Variants in KCNC2 observed in about 807,000 individuals in gnomAD.
KCNC2 encodes potassium voltage-gated channel subfamily C member 2, also known as voltage-gated potassium channel KCNC2.
Under a neutral mutation model 44.5 loss-of-function variants are expected in KCNC2, and 21 were observed. The observed-to-expected ratio is 0.47, with a 90% CI of 0.33 to 0.68. KCNC2 has a LOEUF of 0.68. KCNC2 is among the 30% of genes least tolerant of loss of function. The pLI, the probability that KCNC2 is intolerant of heterozygous loss-of-function variation, is 0.01. For missense variants in KCNC2, 589 were observed against 826.2 expected, an observed-to-expected ratio of 0.71 and a Z score of 3.52; for synonymous variants, 391 against 339.1, an observed-to-expected ratio of 1.15 and a Z score of -1.68.
At chr12:75,055,365 C>T (rs1400448878) in intron 2 of KCNC2, among the ~76,000 whole-genome samples, 1 of 151,966 alleles carries the variant, frequency 6.6e-6, no homozygotes, top group Non-Finnish European at 1.5e-5. Context: ...ATTGAACTGG[C>T]TTATGGGTCC....
intron 2 of KCNC2, among the ~76,000 whole-genome samples, chr12:75,129,793 G>A (rs1339305424): frequency 1.3e-5 from 2 of 152,154 alleles, no homozygotes; most frequent in East Asian, 3.8e-4. Flanking sequence ...TTCATGAAAT[G>A]ATGCAATGCC....
At chr12:75,115,034 T>C (rs1887556471) in intron 2 of KCNC2, among the ~76,000 whole-genome samples, 2 of 151,966 alleles carry the variant, frequency 1.3e-5, no homozygotes, top group Non-Finnish European at 2.9e-5. Context: ...CGGCTAATTT[T>C]TTGTATTTTT....
chr12:75,090,397 C>T (rs1206702466), intron 2 of KCNC2, among the ~76,000 whole-genome samples: 3 of 151,626 alleles, frequency 2.0e-5, no homozygotes, highest in African/African-American at 7.3e-5. Context: ...TCCACCCTCA[C>T]TGCCACTATC....
At chr12:75,155,372 G>A (rs1172338988) in intron 2 of KCNC2, among the ~76,000 whole-genome samples, 1 of 151,640 alleles carries the variant, frequency 6.6e-6, no homozygotes, top group Non-Finnish European at 1.5e-5. Flanking sequence ...ACTAAGAATA[G>A]GAATTTTTTC....
chr12:75,191,436 A>G (rs1016504536), intron 2 of KCNC2, among the ~76,000 whole-genome samples: 8 of 149,840 alleles, frequency 5.3e-5, no homozygotes, highest in Non-Finnish European at 1.0e-4. Flanking sequence ...TTTTAAAAAT[A>G]AATAATTTAA....
chr12:75,119,728 G>A (rs1014490228), intron 2 of KCNC2, among the ~76,000 whole-genome samples: 4 of 152,128 alleles, frequency 2.6e-5, no homozygotes, highest in African/African-American at 9.7e-5. Flanking sequence ...AAAGCTTTCC[G>A]TATCTGAAAG....
intron 2 of KCNC2, among the ~76,000 whole-genome samples, chr12:75,111,444 T>C (rs11180366): frequency 0.26 from 40,039 of 151,972 alleles, 5,817 homozygotes; most frequent in Middle Eastern, 0.4. Flanking sequence ...TTATGAACAA[T>C]TGTGTACACA....
intron 2 of KCNC2, among the ~76,000 whole-genome samples, chr12:75,181,404 T>C (rs933353717): frequency 1.3e-5 from 2 of 152,178 alleles, no homozygotes; most frequent in African/African-American, 4.8e-5. Flanking sequence ...ACAGTATCAG[T>C]TCTAAGCAAT....
chr12:75,175,201 TGA>T (rs1892102304), intron 2 of KCNC2, among the ~76,000 whole-genome samples: 1 of 151,966 alleles, frequency 6.6e-6, no homozygotes, highest in Non-Finnish European at 1.5e-5. Flanking sequence ...TAGAATGAGG[TGA>T]GAGAGGCATT....
chr12:75,128,546 A>C (rs1888604418), intron 2 of KCNC2, among the ~76,000 whole-genome samples: 1 of 152,164 alleles, frequency 6.6e-6, no homozygotes, highest in Non-Finnish European at 1.5e-5. Context: ...GCATATTTGC[A>C]CATCAGGATT....
chr12:75,208,829 G>A (rs2031923308), intron 1 of KCNC2, among the ~76,000 whole-genome samples: 1 of 151,898 alleles, frequency 6.6e-6, no homozygotes, highest in Non-Finnish European at 1.5e-5. Flanking sequence ...TATTATTATT[G>A]TTGTTGATAT....
At chr12:75,178,528 A>G (rs1309858825) in intron 2 of KCNC2, among the ~76,000 whole-genome samples, 1 of 152,076 alleles carries the variant, frequency 6.6e-6, no homozygotes, top group African/African-American at 2.4e-5. Context: ...ACTTCATTGT[A>G]GATTGAAACA....
In KCNC2 at chr12:75,207,198, C is replaced by A; in HGVS notation, c.687+99G>T. The A allele has an allele frequency of 6.9e-7, 1 of 1,458,786 alleles. No homozygotes were observed. The allele number at this position is 1,458,786 out of a possible 1,614,324, so 90.4% of individuals were successfully genotyped here. On this transcript the variant is annotated intron_variant, in intron 2 of 4. Coordinates refer to ENST00000549446, the MANE Select transcript of KCNC2 (RefSeq NM_139137.4). This position sits in a 1 kb window ranked among gnomAD's most constrained non-coding sequence, Gnocchi z 4.1. ...GCTAGGAAATCCCGGGTCTCTTCTA[C>A]CCCCCATGCCTGAGGCCCTGGGGTG...
chr12:75,084,763 G>A (rs933749038), intron 2 of KCNC2, among the ~76,000 whole-genome samples: 2 of 151,818 alleles, frequency 1.3e-5, no homozygotes. Flanking sequence ...TTTAGATAAA[G>A]GACTACAGAC....
intron 2 of KCNC2, among the ~76,000 whole-genome samples, chr12:75,129,689 A>G (rs979749298): frequency 1.3e-5 from 2 of 152,100 alleles, no homozygotes; most frequent in Non-Finnish European, 2.9e-5. Context: ...AATCTCTTTC[A>G]TGATGTGGAT....
At chr12:75,046,982 A>G (rs1379410831) in intron 4 of KCNC2, among the ~76,000 whole-genome samples, 1 of 152,046 alleles carries the variant, frequency 6.6e-6, no homozygotes, top group East Asian at 1.9e-4. Flanking sequence ...TAAATATTTG[A>G]ACCTTAAAAT....
intron 2 of KCNC2, among the ~76,000 whole-genome samples, chr12:75,206,482 A>G (rs1009323631): frequency 5.3e-5 from 8 of 152,210 alleles, no homozygotes; most frequent in African/African-American, 1.7e-4. Context: ...CCGAAAAAGA[A>G]CACTGAGGCT....
At chr12:75,087,241 A>G (rs1885104946) in intron 2 of KCNC2, among the ~76,000 whole-genome samples, 3 of 152,086 alleles carry the variant, frequency 2.0e-5, no homozygotes, top group Admixed American at 1.3e-4. Flanking sequence ...ATGGGGTATG[A>G]TGTGAATTTG....
intron 2 of KCNC2, among the ~76,000 whole-genome samples, chr12:75,060,679 C>T (rs1226446598): frequency 2.0e-5 from 3 of 151,918 alleles, no homozygotes; most frequent in Non-Finnish European, 2.9e-5. Context: ...CCATATTTCC[C>T]AGGCTGGCCT....
Sources: gnomAD v4.1 joint callset for allele counts (sites outside exome capture counted in the v4.1 genomes callset) on GRCh38, gnomAD v4.1.1 for gene constraint, Gnocchi (gnomAD v3.1) non-coding constraint, MANE v1.5 for transcripts, NCBI Gene and HGNC (gene_info 2026-07-23, HGNC 2026-07-21) for gene names.